Variants in ANAPC1 observed in about 807,000 individuals in gnomAD.
The protein encoded by ANAPC1 is anaphase promoting complex subunit 1.
ANAPC1 carries 36 observed loss-of-function variants against 208.0 expected under a neutral mutation model. The observed-to-expected ratio is 0.17, with a 90% CI of 0.13 to 0.23. The LOEUF is 0.23. Among genes scored for constraint, ANAPC1 ranks in the 10% least tolerant of loss-of-function variants. ANAPC1 has a pLI of 1.00. For missense variants in ANAPC1, 942 were observed against 2,011.6 expected (o/e 0.47, Z 10.17); for synonymous variants, 378 against 695.2 (o/e 0.54, Z 7.18).
chr2:111,850,740 T>C (rs375184129), intron 14 of ANAPC1, 36 bp downstream of exon 14: 1 of 1,591,716 alleles, frequency 6.3e-7, no homozygotes, highest in African/African-American at 1.4e-5. Context: ...CTTTAAAAAA[T>C]GTTAACTTTT....
rs182007338 is a variant in ANAPC1, at chr2:111,863,597, A to C, written c.1052+78T>G. The C allele has an allele frequency of 4.2e-3, 5,847 of 1,388,784 alleles. 12 individuals are homozygous for C. The highest frequency in any genetic ancestry group is 5.1e-3 in the Non-Finnish European group (5,137 of 1,010,576). 86.0% of individuals were successfully genotyped at this position (1,388,784 alleles called of 1,614,324 possible). On this transcript the variant is annotated intron_variant, in intron 9 of 47. Transcript: ENST00000341068. Reference sequence around the variant, plus strand: ...CTCCCCTAAATATATTTCCCCTAAAAACAGCTGTCAACAGAAATTCTAAAT... The same window carrying C: ...CTCCCCTAAATATATTTCCCCTAAACACAGCTGTCAACAGAAATTCTAAAT...
chr2:111,835,653 A>G (rs887449958), intron 18 of ANAPC1, among the ~76,000 whole-genome samples: 1 of 151,864 alleles, frequency 6.6e-6, no homozygotes, highest in Non-Finnish European at 1.5e-5. Context: ...CCTGGCTAAC[A>G]CGGTGGAACC....
At chr2:111,798,502 T>G (rs1472631741) in intron 34 of ANAPC1, among the ~76,000 whole-genome samples, 1 of 151,740 alleles carries the variant, frequency 6.6e-6, no homozygotes, top group African/African-American at 2.4e-5. Context: ...CAAAATTACT[T>G]TGAAATGAAT....
At chr2:111,826,856 T>A (rs2104446689) in intron 21 of ANAPC1, among the ~76,000 whole-genome samples, 1 of 152,222 alleles carries the variant, frequency 6.6e-6, no homozygotes, top group East Asian at 1.9e-4. Flanking sequence ...AGACAGGGTT[T>A]CACCATGTTG....
chr2:111,876,166 G>C (rs1455674428), intron 3 of ANAPC1, among the ~76,000 whole-genome samples: 1 of 151,832 alleles, frequency 6.6e-6, no homozygotes, highest in African/African-American at 2.4e-5. Flanking sequence ...AAGCCAGGAG[G>C]ATCACTAGAG....
At chr2:111,873,211 T>A in intron 5 of ANAPC1, 97 bp downstream of exon 5, 2 of 1,155,914 alleles carry the variant, frequency 1.7e-6, no homozygotes, top group South Asian at 2.2e-5. Flanking sequence ...CATTTTTGAC[T>A]ACTACGAAAC....
At position 111,810,631 on chromosome 2, in the gene ANAPC1, C is replaced by T. The variant is rs1174755787; in HGVS notation, c.3598-1450G>A. 3.4e-5 allele frequency among the ~76,000 whole-genome samples: 5 copies of T among 147,850 alleles called. 2 individuals are homozygous for T. The highest frequency in any genetic ancestry group is 3.4e-4 in the Admixed American group (5 of 14,802). ...GGTGCAGAGGCTCACGCCTATAATC[C>T]CAGCACTTTGGGAGGCTGAAGCGGG... On this transcript the variant is annotated intron_variant, in intron 28 of 47. Coordinates refer to ENST00000341068, the MANE Select transcript of ANAPC1 (RefSeq NM_022662.4).
intron 3 of ANAPC1, among the ~76,000 whole-genome samples, chr2:111,878,545 A>C (rs1187154315): frequency 6.6e-6 from 1 of 152,242 alleles, no homozygotes. Context: ...GCTGGCAATA[A>C]CAAATTGAAT....
At chr2:111,868,691 C>G (rs768730796) in intron 6 of ANAPC1, among the ~76,000 whole-genome samples, 1 of 151,930 alleles carries the variant, frequency 6.6e-6, no homozygotes, top group Non-Finnish European at 1.5e-5. Context: ...CCACCACGCC[C>G]AGCTAGTTTT....
At chr2:111,845,676 T>C (rs1388870185) in intron 16 of ANAPC1, among the ~76,000 whole-genome samples, 1 of 152,128 alleles carries the variant, frequency 6.6e-6, no homozygotes, top group Non-Finnish European at 1.5e-5. Flanking sequence ...GCCTTGTGAT[T>C]ACGAAATACC....
At chr2:111,854,338 A>G (rs10182139) in intron 13 of ANAPC1, among the ~76,000 whole-genome samples, 103,581 of 152,036 alleles carry the variant, frequency 0.68, 35,482 homozygotes, top group African/African-American at 0.75. Flanking sequence ...AGTCTTTGTT[A>G]CTCCATTTAT....
intron 21 of ANAPC1, among the ~76,000 whole-genome samples, chr2:111,827,094 T>C (rs979813891): frequency 1.3e-5 from 2 of 152,150 alleles, no homozygotes; most frequent in Admixed American, 6.6e-5. Flanking sequence ...CCACCAGTAA[T>C]GTATGAGAGT....
chr2:111,829,136 C>A (rs1679992072), intron 21 of ANAPC1, among the ~76,000 whole-genome samples: 2 of 152,134 alleles, frequency 1.3e-5, no homozygotes, highest in South Asian at 4.1e-4. Flanking sequence ...ATCGCTTGAA[C>A]CTAGGTGGCG....
intron 16 of ANAPC1, among the ~76,000 whole-genome samples, chr2:111,846,490 T>C (rs1681067401): frequency 6.8e-6 from 1 of 146,020 alleles, no homozygotes; most frequent in South Asian, 2.1e-4. Context: ...GCTTCCAGTT[T>C]CCCAGATGTT....
chr2:111,766,682 T>C (rs1297106124), downstream of ANAPC1: 1 of 282,402 alleles, frequency 3.5e-6, no homozygotes, highest in Non-Finnish European at 7.5e-6. Flanking sequence ...CTGGTTTGGA[T>C]TTTCACATGC....
At chr2:111,838,692 T>A (rs1175625492) in intron 17 of ANAPC1, among the ~76,000 whole-genome samples, 180 bp from the exon 18 acceptor site, 1 of 152,226 alleles carries the variant, frequency 6.6e-6, no homozygotes, top group Non-Finnish European at 1.5e-5. Context: ...ACTGTAAAGA[T>A]GAAATGAAAT....
chr2:111,833,680 G>GAAAAAAAAAAAAAAA (rs1680307536), intron 19 of ANAPC1, among the ~76,000 whole-genome samples: 1 of 18,750 alleles, frequency 5.3e-5, no homozygotes, highest in East Asian at 1.2e-3. Context: ...GATAAAATAT[G>GAAAAAAAAAAAAAAA]TAAAAAAAAA....
intron 28 of ANAPC1, among the ~76,000 whole-genome samples, chr2:111,810,527 G>C (rs896274218): frequency 6.6e-6 from 1 of 151,414 alleles, no homozygotes; most frequent in Admixed American, 6.6e-5. Context: ...GCTGTGAAGT[G>C]AAAGAGTTTA....
intron 7 of ANAPC1, chr2:111,866,134 G>C (rs1682395407): frequency 4.8e-6 from 1 of 208,342 alleles, no homozygotes; most frequent in African/African-American, 2.4e-5. Context: ...AACCTGGAAG[G>C]TGGAGCTTGC....
Sources: gnomAD v4.1 joint callset for allele counts (sites outside exome capture counted in the v4.1 genomes callset) on GRCh38, gnomAD v4.1.1 for gene constraint, MANE v1.5 for transcripts, NCBI Gene and HGNC (gene_info 2026-07-23, HGNC 2026-07-21) for gene names.